TCF4: variants seen among roughly 807,000 people sequenced by gnomAD.
TCF4 encodes the protein transcription factor 4, also known as SL3-3 enhancer factor 2.
Under a neutral mutation model 82.1 loss-of-function variants are expected in TCF4, and 3 were observed. That is an observed-to-expected ratio of 0.04 (90% CI 0.02 to 0.09). The LOEUF (loss-of-function observed/expected upper bound fraction) is 0.09. Ranked by LOEUF, TCF4 falls within the 10% of genes least tolerant of loss-of-function variation. TCF4 has a pLI of 1.00. For synonymous variants in TCF4, 276 were observed against 309.6 expected (o/e 0.89, Z 1.14); for missense variants, 518 against 852.7 (o/e 0.61, Z 4.89).
chr18:55,291,262 A>C lies in TCF4; in HGVS notation c.550-11606T>G, dbSNP rs1037462128. 3.9e-5 allele frequency among the ~76,000 whole-genome samples: 6 copies of C among 152,310 alleles called. No homozygotes were observed. In the East Asian group the frequency reaches 9.6e-4, roughly 24 times the overall value. On this transcript the variant is annotated intron_variant, in intron 8 of 19. Coordinates refer to ENST00000354452, the MANE Select transcript of TCF4 (RefSeq NM_001083962.2). ...ATCCTTCCAAATCACCTACAGTCTA[A>C]GGAATCTGGTGGACAACTTTTCATA...
chr18:55,549,557 C>T (rs560060215), intron 3 of TCF4, among the ~76,000 whole-genome samples: 20 of 152,174 alleles, frequency 1.3e-4, no homozygotes, highest in African/African-American at 4.8e-4. Context: ...TTAGTCTAGG[C>T]CTACATAGGG....
At chr18:55,610,785 T>G (rs912800311) in intron 2 of TCF4, among the ~76,000 whole-genome samples, 2 of 152,218 alleles carry the variant, frequency 1.3e-5, no homozygotes, top group Non-Finnish European at 2.9e-5. Flanking sequence ...GCTCTGCCTT[T>G]TGTGACATTT....
intron 3 of TCF4, among the ~76,000 whole-genome samples, chr18:55,529,785 C>A (rs1351391354): frequency 6.6e-6 from 1 of 152,084 alleles, no homozygotes; most frequent in African/African-American, 2.4e-5. Flanking sequence ...GAGAAAGGAG[C>A]CTGTCACTAG....
intron 11 of TCF4, chr18:55,265,648 T>C (rs948018959): frequency 2.6e-5 from 4 of 152,160 alleles, no homozygotes; most frequent in Non-Finnish European, 5.9e-5. Flanking sequence ...CAAGGCTCAA[T>C]ATTCTTGTAA....
rs907253100 is a variant in TCF4 at position 55,620,696 on chromosome 18, T to C, written c.286+10602A>G. The stretch of plus-strand genomic sequence containing the variant: ...TGCCTTAAGCTATTAGGCTGGGCAA[T>C]CATAGGACTCCCCTTGCTTGTTTCT... On this transcript the variant is annotated intron_variant, in intron 2 of 20. Coordinates refer to the TCF4 transcript ENST00000398339. 3.9e-5 allele frequency among the ~76,000 whole-genome samples: 6 copies of C among 152,308 alleles called. No homozygotes were observed. In the East Asian group the frequency reaches 1.2e-3, roughly 29 times the overall value.
At chr18:55,573,742 C>T (rs939560051) in intron 3 of TCF4, among the ~76,000 whole-genome samples, 9 of 152,212 alleles carry the variant, frequency 5.9e-5, no homozygotes, top group African/African-American at 2.2e-4. Flanking sequence ...AAACTCTTCT[C>T]AGGCCACACA....
upstream of TCF4, among the ~76,000 whole-genome samples, chr18:55,590,913 G>C (rs983976240): frequency 6.6e-6 from 1 of 152,218 alleles, no homozygotes; most frequent in African/African-American, 2.4e-5. Flanking sequence ...AAGAAGTTTT[G>C]TAAGTGGTAC....
At chr18:55,278,777 C>T (rs748628140) in intron 9 of TCF4, among the ~76,000 whole-genome samples, 2 of 151,396 alleles carry the variant, frequency 1.3e-5, no homozygotes, top group African/African-American at 4.9e-5. Context: ...ACCATATTGG[C>T]CAGGATGGTC....
intron 2 of TCF4, chr18:55,585,819 A>C: frequency 8.9e-7 from 1 of 1,127,846 alleles, no homozygotes; most frequent in Non-Finnish European, 1.1e-6. Context: ...ACCTGCACTA[A>C]ATTCTCATTT....
chr18:55,368,108 G>A (rs1191058711), intron 6 of TCF4, among the ~76,000 whole-genome samples: 3 of 152,192 alleles, frequency 2.0e-5, no homozygotes, highest in African/African-American at 4.8e-5. Flanking sequence ...GTTTTCAGCC[G>A]GGCGCGGTGG....
intron 5 of TCF4, among the ~76,000 whole-genome samples, chr18:55,434,680 G>C (rs1400391213): frequency 1.3e-5 from 2 of 151,200 alleles, no homozygotes; most frequent in African/African-American, 4.9e-5. Context: ...GCCCGCCTTG[G>C]CCTCCCAAAG....
rs1238442105 is a variant in TCF4 at position 55,288,691 on chromosome 18, G to T, written c.550-9035C>A. Reference sequence around the variant, plus strand: ...TCTCAGTCAGGGCAGCACAAAGGAGGTTCTTGTGTGTTACTGCAAGAAGCA... The same window carrying T: ...TCTCAGTCAGGGCAGCACAAAGGAGTTTCTTGTGTGTTACTGCAAGAAGCA... On this transcript the variant is annotated intron_variant, in intron 8 of 19. Transcript: ENST00000354452. Among the ~76,000 whole-genome samples, 4 of 152,158 alleles carry T rather than the reference G, an allele frequency of 2.6e-5. No individual in the cohort carries two copies. The East Asian group carries it at 7.7e-4, about 29-fold the overall frequency.
chr18:55,588,144 G>T lies in TCF4; in HGVS notation c.-127C>A. 9.3e-7 allele frequency: 1 copy of T among 1,076,502 alleles called. No homozygotes were observed. The highest frequency in any genetic ancestry group is 1.1e-6 in the Non-Finnish European group (1 of 894,992). The allele number at this position is 1,076,502 out of a possible 1,614,324, so 66.7% of individuals were successfully genotyped here. On this transcript the variant is annotated 5_prime_UTR_variant, in exon 1 of 20. Transcript: ENST00000354452. ...CGCCTGCTCCTGCGCCCGCTCCCGC[G>T]CCTGCTGCCTCCCCGCCGCCGCCGC...
intron 2 of TCF4, among the ~76,000 whole-genome samples, chr18:55,600,140 T>C (rs1365332195): frequency 1.3e-5 from 2 of 152,222 alleles, no homozygotes; most frequent in Non-Finnish European, 2.9e-5. Context: ...TTCCAGGTTT[T>C]GGTTACTATG....
chr18:55,464,832 T>C (rs772054449), intron 3 of TCF4, among the ~76,000 whole-genome samples: 4 of 152,192 alleles, frequency 2.6e-5, no homozygotes, highest in African/African-American at 7.2e-5. Flanking sequence ...TTTGTTTTGA[T>C]AGATGACAGT....
At chr18:55,376,018 CTTTTTT>C (rs772990901) in intron 6 of TCF4, among the ~76,000 whole-genome samples, 1 of 122,760 alleles carries the variant, frequency 8.1e-6, no homozygotes, top group Non-Finnish European at 1.7e-5. Context: ...TTTTCTTCTC[CTTTTTT>C]TTTTTTTTTT....
chr18:55,572,740 A>G (rs557580804), intron 3 of TCF4, among the ~76,000 whole-genome samples: 4 of 152,298 alleles, frequency 2.6e-5, no homozygotes, highest in Admixed American at 6.5e-5. Context: ...TTTACTGCTC[A>G]TAAGAACATA....
chr18:55,445,130 A>G (rs1223606595), intron 5 of TCF4, among the ~76,000 whole-genome samples: 1 of 152,090 alleles, frequency 6.6e-6, no homozygotes, highest in Admixed American at 6.6e-5. Flanking sequence ...ATCATAAATC[A>G]TATCATGGTA....
chr18:55,222,649 T>C lies in TCF4; in HGVS notation c.*5386A>G, dbSNP rs1179584086. 3 of 152,650 alleles carry C rather than the reference T, an allele frequency of 2.0e-5. No individual in the cohort carries two copies. The highest frequency in any genetic ancestry group is 4.8e-5 in the African/African-American group (2 of 41,462). The allele number at this position is 152,650 out of a possible 1,614,324, so 9.5% of individuals were successfully genotyped here. A position where few individuals can be genotyped will look rare whatever the true frequency, so the allele number is the denominator to read the frequency against. On this transcript the variant is annotated 3_prime_UTR_variant, in exon 20 of 20. Transcript: ENST00000354452. ...CGTACTTGATTAGAACATTCTGTTA[T>C]GAAGCGCTCAGCTACCGCGGGCTTT...
Sources: gnomAD v4.1 joint callset for allele counts (sites outside exome capture counted in the v4.1 genomes callset) on GRCh38, gnomAD v4.1.1 for gene constraint, MANE v1.5 for transcripts, NCBI Gene and HGNC (gene_info 2026-07-23, HGNC 2026-07-21) for gene names.